Variants in KDM6A observed in about 807,000 individuals in gnomAD.
KDM6A encodes lysine-specific demethylase 6A.
In KDM6A, 11 loss-of-function variants were observed where a neutral mutation model predicts 117.6. The observed-to-expected ratio is 0.09, with a 90% CI of 0.06 to 0.15. The LOEUF (loss-of-function observed/expected upper bound fraction) is 0.15. KDM6A is among the 10% of genes least tolerant of loss of function. The pLI is 1.00. For synonymous variants in KDM6A, 384 were observed against 396.1 expected (o/e 0.97, Z 0.36); for missense variants, 799 against 1,077.3 (o/e 0.74, Z 3.62).
At chrX:44,919,649 T>G (rs1194289040) in intron 2 of KDM6A, among the ~76,000 whole-genome samples, 2 of 107,160 alleles carry the variant, frequency 1.9e-5, no homozygotes, top group Non-Finnish European at 3.9e-5. Flanking sequence ...ATCTTTTTTT[T>G]TTTTTTTTTG....
chrX:44,952,143 T>A (rs896200015), intron 2 of KDM6A, among the ~76,000 whole-genome samples: 1 of 111,931 alleles, frequency 8.9e-6, no homozygotes, highest in African/African-American at 3.3e-5. Flanking sequence ...CAGTGATGGT[T>A]TCTTGAATGT....
At chrX:44,916,300 G>GA (rs1336409298) in intron 2 of KDM6A, among the ~76,000 whole-genome samples, 1 of 110,451 alleles carries the variant, frequency 9.1e-6, no homozygotes, top group Non-Finnish European at 1.9e-5. Flanking sequence ...AAGCAGGCTA[G>GA]AAATAGTAAG....
chrX:44,899,377 A>G (rs1399205709), intron 2 of KDM6A, among the ~76,000 whole-genome samples: 2 of 107,297 alleles, frequency 1.9e-5, no homozygotes, highest in Non-Finnish European at 3.8e-5. Flanking sequence ...GTGTTAGATT[A>G]GCTATATGCC....
intron 18 of KDM6A, among the ~76,000 whole-genome samples, chrX:45,075,776 A>G (rs753033054): frequency 1.8e-5 from 2 of 111,627 alleles, no homozygotes; most frequent in Non-Finnish European, 3.8e-5. Flanking sequence ...AAAATAGCTA[A>G]TTCCTTCTTA....
At chrX:44,992,206 CTTTTTTTTTTTTTTTTTTTT>C (rs779979560) in intron 4 of KDM6A, among the ~76,000 whole-genome samples, 20 of 32,066 alleles carry the variant, frequency 6.2e-4, no homozygotes, top group South Asian at 2.8e-3. Context: ...CTGTCTTCTT[CTTTTTTTTTTTTTTTTTTTT>C]TTTTTTTTTT....
intron 5 of KDM6A, among the ~76,000 whole-genome samples, chrX:45,017,296 T>A (rs766143181): frequency 2.4e-4 from 27 of 111,806 alleles, no homozygotes; most frequent in Non-Finnish European, 4.5e-4. Flanking sequence ...TTACAGAAAT[T>A]GAATGTGTTA....
chrX:45,025,675 T>G, intron 6 of KDM6A, among the ~76,000 whole-genome samples: 1 of 112,299 alleles, frequency 8.9e-6, no homozygotes, highest in Non-Finnish European at 1.9e-5. Context: ...ACACCCTTAT[T>G]CTTCAGTCAG....
rs774545537 is a variant in KDM6A, at chrX:44,959,547, A to G, written c.226-1737A>G. Among the ~76,000 whole-genome samples, 5 of 110,889 alleles carry G rather than the reference A, an allele frequency of 4.5e-5. No individual in the cohort carries two copies. The East Asian group carries it at 1.4e-3, about 31-fold the overall frequency. On this transcript the variant is annotated intron_variant, in intron 2 of 29. Coordinates refer to ENST00000611820, the MANE Select transcript of KDM6A (RefSeq NM_001291415.2). Reference sequence around the variant, plus strand: ...AGCCATATGAAGCTCTCAGAGGAGTAGGAAAGGTTTATAAATAACCTAAGA... The same window carrying G: ...AGCCATATGAAGCTCTCAGAGGAGTGGGAAAGGTTTATAAATAACCTAAGA...
chrX:45,027,682 C>A (rs1225229119), intron 6 of KDM6A, among the ~76,000 whole-genome samples: 1 of 111,372 alleles, frequency 9.0e-6, no homozygotes, highest in Non-Finnish European at 1.9e-5. Context: ...GAAAGAAATT[C>A]TTCAAGAAAG....
chrX:44,933,034 T>TG (rs2036737847), intron 2 of KDM6A, among the ~76,000 whole-genome samples: 1 of 106,153 alleles, frequency 9.4e-6, no homozygotes, highest in African/African-American at 3.4e-5. Context: ...ATTACAGACA[T>TG]GCACCACCAC....
chrX:44,896,959 CTTTT>C (rs2033920573), intron 2 of KDM6A, among the ~76,000 whole-genome samples: 1 of 110,081 alleles, frequency 9.1e-6, no homozygotes, highest in Non-Finnish European at 1.9e-5. Context: ...GTGTGGGTGT[CTTTT>C]TTATTTGGGG....
chrX:44,923,200 T>C (rs2036075270), intron 2 of KDM6A, among the ~76,000 whole-genome samples: 1 of 111,495 alleles, frequency 9.0e-6, no homozygotes, highest in South Asian at 3.7e-4. Context: ...GGTTACGTTA[T>C]GTGTTATGTG....
intron 4 of KDM6A, among the ~76,000 whole-genome samples, chrX:44,976,173 C>T (rs1421978031): frequency 9.0e-6 from 1 of 111,667 alleles, no homozygotes; most frequent in Non-Finnish European, 1.9e-5. Flanking sequence ...TCTTATTTAT[C>T]TCCCTGGAAT....
intron 2 of KDM6A, among the ~76,000 whole-genome samples, chrX:44,957,685 G>A (rs755888666): frequency 2.4e-4 from 27 of 111,499 alleles, no homozygotes; most frequent in African/African-American, 8.5e-4. Flanking sequence ...TAGGTAGTAA[G>A]GATTATGGAT....
intron 8 of KDM6A, among the ~76,000 whole-genome samples, chrX:45,041,447 C>T (rs2043195618): frequency 9.4e-6 from 1 of 106,947 alleles, no homozygotes; most frequent in Admixed American, 9.6e-5. Flanking sequence ...CCCCACCTCC[C>T]TCCCGGACGG....
chrX:44,928,525 C>T (rs971457703), intron 2 of KDM6A, among the ~76,000 whole-genome samples: 1 of 111,664 alleles, frequency 9.0e-6, no homozygotes, highest in Non-Finnish European at 1.9e-5. Context: ...TTTTTGATAT[C>T]GGAGAGACCT....
intron 2 of KDM6A, among the ~76,000 whole-genome samples, chrX:44,941,952 A>G (rs2147043371): frequency 9.1e-6 from 1 of 110,206 alleles, no homozygotes; most frequent in African/African-American, 3.3e-5. Flanking sequence ...TCACACCTTC[A>G]TGAGGTATGC....
chrX:45,078,190 A>T (rs2045223305), intron 19 of KDM6A, among the ~76,000 whole-genome samples: 2 of 112,253 alleles, frequency 1.8e-5, no homozygotes, highest in African/African-American at 6.5e-5. Context: ...TATTTTTGTC[A>T]TGATAAAATG....
chrX:44,924,409 A>G (rs1460876473), intron 2 of KDM6A, among the ~76,000 whole-genome samples: 1 of 111,995 alleles, frequency 8.9e-6, no homozygotes, highest in Non-Finnish European at 1.9e-5. Flanking sequence ...ATGCAGTTAA[A>G]TCACTTGGAA....
Sources: allele counts gnomAD v4.1 joint callset (sites outside exome capture counted in the v4.1 genomes callset), GRCh38; gene constraint gnomAD v4.1.1; transcripts MANE v1.5; gene names NCBI Gene and HGNC (gene_info 2026-07-23, HGNC 2026-07-21).